SUGCT: variants seen among roughly 807,000 people sequenced by gnomAD.
SUGCT encodes the protein succinyl-CoA:glutarate CoA-transferase.
In SUGCT, 41 loss-of-function variants were observed where a neutral mutation model predicts 55.0. That is an observed-to-expected ratio of 0.74 (90% confidence interval 0.58 to 0.97). The LOEUF (loss-of-function observed/expected upper bound fraction) is 0.97. Among genes scored for constraint, SUGCT ranks in the 50% least tolerant of loss-of-function variants. The probability of loss-of-function intolerance (pLI) is 0.00; values close to 1 mark genes in which losing one functional copy is unlikely to be tolerated. For synonymous variants in SUGCT, 187 were observed against 200.4 expected, an observed-to-expected ratio of 0.93 and a Z score of 0.56; for missense variants, 568 against 547.8, an observed-to-expected ratio of 1.04 and a Z score of -0.37.
At chr7:40,933,233 C>A in the SUGCT span, among the ~76,000 whole-genome samples, 2 of 152,134 alleles carry the variant, frequency 1.3e-5, no homozygotes, top group Non-Finnish European at 2.9e-5. Context: ...GTTGAAAATT[C>A]TTTTCTTTAA....
At chr7:41,017,163 C>T in the SUGCT span, among the ~76,000 whole-genome samples, 3 of 152,110 alleles carry the variant, frequency 2.0e-5, no homozygotes, top group African/African-American at 4.8e-5. Flanking sequence ...GCAATACAGA[C>T]GTCTAAAGAC....
At chr7:40,231,370 CAG>C (rs1204714956) in intron 6 of SUGCT, among the ~76,000 whole-genome samples, 2 of 152,150 alleles carry the variant, frequency 1.3e-5, no homozygotes, top group Non-Finnish European at 2.9e-5. Context: ...TCACAGGCCT[CAG>C]GGTACTAACA....
At chr7:40,281,819 T>A (rs1792969278) in intron 8 of SUGCT, among the ~76,000 whole-genome samples, 1 of 136,280 alleles carries the variant, frequency 7.3e-6, no homozygotes, top group African/African-American at 2.6e-5. Flanking sequence ...TTTGTTTGTT[T>A]GTTTTAGATG....
chr7:40,471,501 A>T (rs899846825), intron 11 of SUGCT, among the ~76,000 whole-genome samples: 4 of 152,090 alleles, frequency 2.6e-5, no homozygotes, highest in Non-Finnish European at 4.4e-5. Context: ...ATGAAATACA[A>T]CATATCTAGG....
intron 12 of SUGCT, among the ~76,000 whole-genome samples, chr7:40,661,786 C>T (rs1801311624): frequency 6.6e-6 from 1 of 152,158 alleles, no homozygotes. Flanking sequence ...ACACAACATC[C>T]TCTTGGATTT....
At position 40,851,602 on chromosome 7, in the gene SUGCT, G is replaced by A. The variant is rs112182318; in HGVS notation, c.1154-8714G>A. On this transcript the variant is annotated intron_variant, in intron 13 of 13. Coordinates refer to ENST00000335693, the MANE Select transcript of SUGCT (RefSeq NM_001193313.2). ...AAAGCCTTTGTCATTATCCTACACC[G>A]CTCTAGAACCATCCCTTAGAGGACC... Among the ~76,000 whole-genome samples the A allele has an allele frequency of 3.6e-3, 553 of 152,208 alleles. 1 individual carries two copies. Among genetic ancestry groups the A allele is most frequent in the African/African-American group, 0.012 (516 of 41,538 alleles).
rs35487000 is a variant in SUGCT, at chr7:40,312,050, G to GTTTT, written c.721-4699_721-4696dup. On this transcript the variant is annotated intron_variant, in intron 8 of 13. Coordinates refer to ENST00000335693, the MANE Select transcript of SUGCT (RefSeq NM_001193313.2). ...TAACCACCTGTATGTCCTCACATAA[G>GTTTT]TTTTTTTTTTTTTTGAGTTGGTCTT... is the stretch of plus-strand genomic sequence containing the variant. 2.2e-4 allele frequency among the ~76,000 whole-genome samples: 32 copies of GTTTT among 145,004 alleles called. 1 individual carries two copies. Among genetic ancestry groups the GTTTT allele is most frequent in the Non-Finnish European group, 3.3e-4 (22 of 66,328 alleles).
chr7:40,191,450 T>C (rs924274560), intron 5 of SUGCT, among the ~76,000 whole-genome samples: 3 of 152,256 alleles, frequency 2.0e-5, no homozygotes, highest in Admixed American at 2.0e-4. Flanking sequence ...TTTTTAGTTC[T>C]GCTGGATCAA....
intron 13 of SUGCT, among the ~76,000 whole-genome samples, chr7:40,825,084 G>A (rs964473907): frequency 6.6e-6 from 1 of 152,160 alleles, no homozygotes; most frequent in Non-Finnish European, 1.5e-5. Flanking sequence ...AAAGGGGGAA[G>A]AGAGATGTTA....
At chr7:41,025,334 A>T in the SUGCT span, among the ~76,000 whole-genome samples, 2 of 152,184 alleles carry the variant, frequency 1.3e-5, no homozygotes, top group African/African-American at 4.8e-5. Context: ...TATGTCTGAA[A>T]TATAATTATT....
intron 9 of SUGCT, among the ~76,000 whole-genome samples, chr7:40,428,692 A>G (rs79501084): frequency 0.016 from 2,500 of 152,254 alleles, 50 homozygotes; most frequent in African/African-American, 0.051. Context: ...CTGTGTATCC[A>G]TTAACCTGTT....
chr7:40,264,874 G>A (rs1791455412), intron 7 of SUGCT, among the ~76,000 whole-genome samples: 3 of 152,136 alleles, frequency 2.0e-5, no homozygotes. Context: ...ATTCTGACAG[G>A]TGTCCCATCA....
chr7:40,766,122 C>T (rs992972507), intron 13 of SUGCT, among the ~76,000 whole-genome samples: 4 of 152,090 alleles, frequency 2.6e-5, no homozygotes, highest in Non-Finnish European at 5.9e-5. Context: ...AACCATGAAG[C>T]CCTCAAAAGT....
chr7:40,213,779 T>C (rs984192141), intron 6 of SUGCT, among the ~76,000 whole-genome samples: 1 of 152,208 alleles, frequency 6.6e-6, no homozygotes, highest in Non-Finnish European at 1.5e-5. Context: ...TGTAGTCCAA[T>C]ATTATTGTTT....
intron 12 of SUGCT, among the ~76,000 whole-genome samples, chr7:40,742,050 G>C (rs892043618): frequency 1.3e-5 from 2 of 152,050 alleles, no homozygotes; most frequent in Admixed American, 1.3e-4. Context: ...TGGTGCATGG[G>C]TGTTCATTTT....
At chr7:40,969,071 G>C in the SUGCT span, among the ~76,000 whole-genome samples, 1 of 152,228 alleles carries the variant, frequency 6.6e-6, no homozygotes, top group East Asian at 1.9e-4. Context: ...GGAAGAGAAA[G>C]AACCTGTAAT....
intron 8 of SUGCT, among the ~76,000 whole-genome samples, chr7:40,294,466 G>A (rs776853930): frequency 2.4e-4 from 37 of 152,264 alleles, no homozygotes; most frequent in Middle Eastern, 3.4e-3. Context: ...GTTAGATTCC[G>A]CTGGTCACAT....
intron 13 of SUGCT, among the ~76,000 whole-genome samples, chr7:40,834,872 T>C (rs1792878453): frequency 6.6e-6 from 1 of 152,194 alleles, no homozygotes; most frequent in Non-Finnish European, 1.5e-5. Context: ...TTTGACAGGA[T>C]AGTATTCGGG....
At chr7:40,534,288 A>G (rs536779775) in intron 12 of SUGCT, among the ~76,000 whole-genome samples, 73 of 152,324 alleles carry the variant, frequency 4.8e-4, no homozygotes, top group African/African-American at 1.7e-3. Flanking sequence ...AAGGACATTG[A>G]TCTTATTGAT....
Sources: gnomAD v4.1 joint callset for allele counts (sites outside exome capture counted in the v4.1 genomes callset) on GRCh38, gnomAD v4.1.1 for gene constraint, MANE v1.5 for transcripts, NCBI Gene and HGNC (gene_info 2026-07-23, HGNC 2026-07-21) for gene names.